RBFOX1: variants seen among roughly 807,000 people sequenced by gnomAD.
The protein encoded by RBFOX1 is RNA binding fox-1 homolog 1.
Under a neutral mutation model 57.7 loss-of-function variants are expected in RBFOX1, and 8 were observed. That is an observed-to-expected ratio of 0.14 (90% CI 0.08 to 0.25). The LOEUF (loss-of-function observed/expected upper bound fraction) is 0.25, where lower values mean the gene tolerates loss of function less well. Among genes scored for constraint, RBFOX1 ranks in the 10% least tolerant of loss-of-function variants. RBFOX1 has a pLI of 1.00. For synonymous variants in RBFOX1, 326 were observed against 222.4 expected (o/e 1.47, Z -4.15); for missense variants, 611 against 548.5 (o/e 1.11, Z -1.14).
At chr16:6,079,974 A>G (rs1168588615) in intron 1 of RBFOX1, among the ~76,000 whole-genome samples, 2 of 152,222 alleles carry the variant, frequency 1.3e-5, no homozygotes, top group Non-Finnish European at 1.5e-5. Context: ...TGATTCTTAA[A>G]CCATTTGTGA....
At chr16:7,002,554 A>G (rs900221922) in intron 3 of RBFOX1, among the ~76,000 whole-genome samples, 4 of 152,108 alleles carry the variant, frequency 2.6e-5, no homozygotes, top group Admixed American at 6.5e-5. Flanking sequence ...TCTACTAAAA[A>G]TACAAAAATT....
intron 4 of RBFOX1, among the ~76,000 whole-genome samples, chr16:7,344,863 T>C (rs563510450): frequency 2.0e-5 from 3 of 152,146 alleles, no homozygotes; most frequent in Non-Finnish European, 4.4e-5. Context: ...GAAATGGCCA[T>C]GTCTCTTGCC....
intron 4 of RBFOX1, among the ~76,000 whole-genome samples, chr16:5,976,552 G>T (rs1315620108): frequency 6.6e-6 from 1 of 152,120 alleles, no homozygotes; most frequent in South Asian, 2.1e-4. Context: ...GAACATCACG[G>T]TCTCTATCCT....
chr16:7,521,367 A>G (rs2077480629), intron 5 of RBFOX1, among the ~76,000 whole-genome samples: 1 of 152,222 alleles, frequency 6.6e-6, no homozygotes, highest in Non-Finnish European at 1.5e-5. Context: ...CGTTATAAGC[A>G]ATGGGAAACC....
At chr16:7,067,951 ATTTTTTT>A (rs60401242) in intron 4 of RBFOX1, among the ~76,000 whole-genome samples, 2,034 of 121,164 alleles carry the variant, frequency 0.017, 60 homozygotes, top group African/African-American at 0.061. Flanking sequence ...AGAGGGCGCC[ATTTTTTT>A]TTTTTTTTTT....
intron 3 of RBFOX1, among the ~76,000 whole-genome samples, chr16:6,777,729 T>A (rs2079616432): frequency 6.6e-6 from 1 of 152,120 alleles, no homozygotes. Context: ...TATTCATAAC[T>A]GGTGGGCTTG....
chr16:6,799,994 C>T (rs1481555286), intron 3 of RBFOX1, among the ~76,000 whole-genome samples: 4 of 152,128 alleles, frequency 2.6e-5, no homozygotes, highest in African/African-American at 9.7e-5. Context: ...ATATATTAAA[C>T]ACATATATCC....
rs1190906764 is a variant in RBFOX1, at chr16:7,288,283, C to G, written c.28-229864C>G. ...ATCAATTGTTCAACTTTCAGACATT[C>G]TACTTGGAAATCCATTTAAGGAATG... On this transcript the variant is annotated intron_variant, in intron 4 of 15. Transcript: ENST00000550418. Among the ~76,000 whole-genome samples the G allele has an allele frequency of 4.6e-5, 7 of 152,164 alleles. No homozygotes were observed. The East Asian group carries it at 1.2e-3, about 25-fold the overall frequency.
intron 3 of RBFOX1, among the ~76,000 whole-genome samples, chr16:5,654,002 C>T (rs896112477): frequency 3.3e-5 from 5 of 152,166 alleles, no homozygotes; most frequent in African/African-American, 9.7e-5. Flanking sequence ...GGTGGGCAGG[C>T]GGGGCCCAGC....
At chr16:7,595,517 A>C in intron 7 of RBFOX1, 32 bp from the exon 8 acceptor site, 1 of 1,487,234 alleles carries the variant, frequency 6.7e-7, no homozygotes, top group Non-Finnish European at 9.1e-7. Context: ...AATAATCTGC[A>C]TGTTGTTTTC....
chr16:6,495,874 G>C (rs1404653251), intron 2 of RBFOX1, among the ~76,000 whole-genome samples: 1 of 152,192 alleles, frequency 6.6e-6, no homozygotes, highest in Non-Finnish European at 1.5e-5. Context: ...CAACATAAAG[G>C]TATCTGTTTG....
chr16:6,492,367 A>C (rs1436749841), intron 2 of RBFOX1, among the ~76,000 whole-genome samples: 1 of 152,314 alleles, frequency 6.6e-6, no homozygotes, highest in Non-Finnish European at 1.5e-5. Flanking sequence ...CAGGAGTTCA[A>C]GACCAGCCTG....
At chr16:5,773,253 G>C (rs1341710279) in intron 3 of RBFOX1, among the ~76,000 whole-genome samples, 1 of 152,136 alleles carries the variant, frequency 6.6e-6, no homozygotes, top group Non-Finnish European at 1.5e-5. Context: ...AATTTATAAA[G>C]CATGTGAAGA....
chr16:7,004,561 G>A (rs571218335), intron 3 of RBFOX1, among the ~76,000 whole-genome samples: 4 of 152,158 alleles, frequency 2.6e-5, no homozygotes, highest in Non-Finnish European at 5.9e-5. Context: ...TCCTAGCTAT[G>A]TATCTAAGGT....
intron 4 of RBFOX1, among the ~76,000 whole-genome samples, chr16:7,117,689 CTT>C (rs2066214504): frequency 2.0e-5 from 3 of 152,210 alleles, no homozygotes; most frequent in South Asian, 4.1e-4. Context: ...ACACAACACT[CTT>C]TTGTTATCTA....
chr16:7,621,161 A>C (rs889579584), intron 10 of RBFOX1, among the ~76,000 whole-genome samples: 10 of 152,290 alleles, frequency 6.6e-5, no homozygotes, highest in African/African-American at 2.4e-4. Flanking sequence ...GACACCTATA[A>C]CTTTGAAGGA....
chr16:7,454,152 G>C (rs1450792145), intron 4 of RBFOX1, among the ~76,000 whole-genome samples: 4 of 152,192 alleles, frequency 2.6e-5, no homozygotes, highest in Non-Finnish European at 4.4e-5. Flanking sequence ...AGAATCGCTT[G>C]AACTCAGGAG....
At chr16:5,630,185 A>G (rs1487976133) in intron 3 of RBFOX1, among the ~76,000 whole-genome samples, 1 of 152,198 alleles carries the variant, frequency 6.6e-6, no homozygotes, top group Non-Finnish European at 1.5e-5. Context: ...AGCTGGGTGT[A>G]GTGGCTCATG....
At chr16:6,960,436 A>G (rs1001410540) in intron 3 of RBFOX1, among the ~76,000 whole-genome samples, 10 of 152,192 alleles carry the variant, frequency 6.6e-5, no homozygotes, top group African/African-American at 2.4e-4. Flanking sequence ...ACCCGGTTAC[A>G]GGAATAAACT....
Sources: allele counts gnomAD v4.1 joint callset (sites outside exome capture counted in the v4.1 genomes callset), GRCh38; gene constraint gnomAD v4.1.1; transcripts MANE v1.5; gene names NCBI Gene and HGNC (gene_info 2026-07-23, HGNC 2026-07-21).